Variants in ADAMTS3 observed in about 807,000 individuals in gnomAD.
ADAMTS3 encodes ADAM metallopeptidase with thrombospondin type 1 motif 3, also known as A disintegrin and metalloproteinase with thrombospondin motifs 3.
A neutral mutation model predicts 129.0 loss-of-function variants in ADAMTS3; 73 were observed. That is an observed-to-expected ratio of 0.57 (90% CI 0.47 to 0.69). ADAMTS3 has a LOEUF of 0.69. ADAMTS3 is among the 30% of genes least tolerant of loss of function. The probability of loss-of-function intolerance (pLI) is 0.00; values close to 1 mark genes in which losing one functional copy is unlikely to be tolerated. For synonymous variants in ADAMTS3, 477 were observed against 510.8 expected, an observed-to-expected ratio of 0.93 and a Z score of 0.89; for missense variants, 1,457 against 1,514.5, an observed-to-expected ratio of 0.96 and a Z score of 0.63.
At chr4:72,497,675 T>C (rs929266117) in intron 3 of ADAMTS3, among the ~76,000 whole-genome samples, 2 of 151,706 alleles carry the variant, frequency 1.3e-5, no homozygotes, top group African/African-American at 4.8e-5. Flanking sequence ...ACTAAAGCCC[T>C]AATATTTAAA....
intron 11 of ADAMTS3, 96 bp from the exon 12 acceptor site, chr4:72,313,918 G>T: frequency 7.2e-7 from 1 of 1,391,448 alleles, no homozygotes; most frequent in Non-Finnish European, 1.0e-6. Context: ...CTTTCTTACT[G>T]CTCTTTTTTC....
At chr4:72,452,730 T>C (rs1718439337) in intron 3 of ADAMTS3, among the ~76,000 whole-genome samples, 1 of 151,730 alleles carries the variant, frequency 6.6e-6, no homozygotes, top group African/African-American at 2.4e-5. Flanking sequence ...AACCACACAG[T>C]CCTACAAATT....
At chr4:72,425,752 GT>G (rs1722556389) in intron 3 of ADAMTS3, among the ~76,000 whole-genome samples, 1 of 151,636 alleles carries the variant, frequency 6.6e-6, no homozygotes, top group Admixed American at 6.6e-5. Context: ...ATTTGGGTTG[GT>G]TCCAAGTCTT....
rs1474884672 is a variant in ADAMTS3, at chr4:72,530,599, TTAAAATA to T, written c.504+17872_504+17878del. On this transcript the variant is annotated intron_variant, in intron 3 of 21. Coordinates refer to ENST00000286657, the MANE Select transcript of ADAMTS3 (RefSeq NM_014243.3). ...AATATATATTAAATATATATTAATATTAAAATATATATTATATAATATATATTATTAT... is the reference window on the plus strand; with the variant it reads ...AATATATATTAAATATATATTAATATTATATTATATAATATATATTATTAT... 1.0e-3 allele frequency among the ~76,000 whole-genome samples: 90 copies of T among 88,328 alleles called. 2 individuals carry two copies. The East Asian group carries it at 0.03, about 29-fold the overall frequency. 57.9% of individuals were successfully genotyped at this position (88,328 alleles called of 152,430 possible).
intron 3 of ADAMTS3, among the ~76,000 whole-genome samples, chr4:72,429,526 T>G (rs797009083): frequency 6.6e-6 from 1 of 152,048 alleles, no homozygotes; most frequent in Non-Finnish European, 1.5e-5. Flanking sequence ...TTAGACATTA[T>G]TCAAAAAAGC....
intron 3 of ADAMTS3, among the ~76,000 whole-genome samples, chr4:72,499,775 C>T (rs1313060740): frequency 1.3e-5 from 2 of 152,174 alleles, no homozygotes; most frequent in East Asian, 1.9e-4. Context: ...GCCATCCTTC[C>T]TAGCTCCCCA....
chr4:72,417,488 C>T (rs1287704449), intron 3 of ADAMTS3, among the ~76,000 whole-genome samples: 1 of 152,110 alleles, frequency 6.6e-6, no homozygotes, highest in East Asian at 1.9e-4. Flanking sequence ...AAACATCTCA[C>T]TTAGAAAGCA....
intron 3 of ADAMTS3, among the ~76,000 whole-genome samples, chr4:72,523,052 C>A (rs930668279): frequency 6.6e-6 from 1 of 151,892 alleles, no homozygotes; most frequent in Non-Finnish European, 1.5e-5. Flanking sequence ...AAATTAATAA[C>A]CTAAATTTTA....
chr4:72,365,554 C>T (rs934787904), intron 4 of ADAMTS3, among the ~76,000 whole-genome samples: 3 of 152,152 alleles, frequency 2.0e-5, no homozygotes, highest in African/African-American at 2.4e-5. Flanking sequence ...TTGTGCACTG[C>T]ACAAGGGCAT....
At chr4:72,359,647 C>T (rs979992278) in intron 4 of ADAMTS3, among the ~76,000 whole-genome samples, 12 of 151,910 alleles carry the variant, frequency 7.9e-5, no homozygotes, top group East Asian at 3.9e-4. Flanking sequence ...AACCCTAACA[C>T]CTTGTTTGGT....
At chr4:72,431,814 A>G (rs1474116621) in intron 3 of ADAMTS3, among the ~76,000 whole-genome samples, 5 of 152,116 alleles carry the variant, frequency 3.3e-5, no homozygotes, top group Middle Eastern at 3.4e-3. Flanking sequence ...GAGGCGATAC[A>G]TAAGATTTAT....
At position 72,339,627 on chromosome 4, in the gene ADAMTS3, T is replaced by G; in HGVS notation, c.728A>C (p.Glu243Ala). 6.2e-7 allele frequency: 1 copy of G among 1,614,018 alleles called. No individual in the cohort carries two copies. Residue 243 changes from glutamate to alanine, a missense_variant, in exon 5 of 22, where the codon GAA becomes GCA. Glu to Ala is a moderately radical substitution (Grantham distance 107). Transcript: ENST00000286657. ...CGCGTGTCTGCGGCGTCTCATTGTT[T>G]CATTCAGCTGCTGGTGGATGTTGCC... ...VYGNIHQQLN[E>A]TMRRRRHAGE...
chr4:72,455,937 T>G (rs1438678784), intron 3 of ADAMTS3, among the ~76,000 whole-genome samples: 1 of 109,752 alleles, frequency 9.1e-6, no homozygotes, highest in African/African-American at 3.7e-5. Context: ...ATTTTATATA[T>G]AGTATATATA....
At chr4:72,402,385 T>A (rs1409792223) in intron 4 of ADAMTS3, among the ~76,000 whole-genome samples, 2 of 152,216 alleles carry the variant, frequency 1.3e-5, no homozygotes, top group Non-Finnish European at 2.9e-5. Context: ...ACTGAGCATC[T>A]GATAAATAAA....
intron 3 of ADAMTS3, among the ~76,000 whole-genome samples, chr4:72,437,759 A>G (rs1717988108): frequency 6.6e-6 from 1 of 151,764 alleles, no homozygotes; most frequent in South Asian, 2.1e-4. Flanking sequence ...ACTACCAACA[A>G]TTCAGACCCA....
chr4:72,508,995 T>C (rs1720238719), intron 3 of ADAMTS3, among the ~76,000 whole-genome samples: 1 of 151,930 alleles, frequency 6.6e-6, no homozygotes. Context: ...TACAAATACA[T>C]AGAAACTAAA....
chr4:72,530,729 TTATATATTA>T (rs1422737733), intron 3 of ADAMTS3, among the ~76,000 whole-genome samples: 1,274 of 67,312 alleles, frequency 0.019, 57 homozygotes, highest in African/African-American at 0.084. Context: ...ATATTATACA[TTATATATTA>T]TATATATTAT....
At chr4:72,384,552 C>A (rs1407810738) in intron 4 of ADAMTS3, among the ~76,000 whole-genome samples, 1 of 152,002 alleles carries the variant, frequency 6.6e-6, no homozygotes, top group East Asian at 1.9e-4. Context: ...TAAAAACTAC[C>A]AAATTTGAAT....
intron 10 of ADAMTS3, among the ~76,000 whole-genome samples, chr4:72,318,204 C>T (rs1165878691): frequency 1.3e-5 from 2 of 152,104 alleles, no homozygotes; most frequent in Non-Finnish European, 2.9e-5. Flanking sequence ...GCTTAACAGT[C>T]ATCTTCTCTG....
Sources: gnomAD v4.1 joint callset for allele counts (sites outside exome capture counted in the v4.1 genomes callset) on GRCh38, gnomAD v4.1.1 for gene constraint, MANE v1.5 for transcripts, NCBI Gene and HGNC (gene_info 2026-07-23, HGNC 2026-07-21) for gene names.